The following EBF4 variants were observed in gnomAD, a reference collection of about 807,000 sequenced individuals.
EBF4 encodes transcription factor COE4.
A neutral mutation model predicts 67.1 loss-of-function variants in EBF4; 34 were observed. That is an observed-to-expected ratio of 0.51 (90% CI 0.39 to 0.67). The LOEUF is 0.67. EBF4 is among the 30% of genes least tolerant of loss of function. EBF4 has a pLI of 0.00. For synonymous variants in EBF4, 387 were observed against 377.7 expected (o/e 1.02, Z -0.29); for missense variants, 837 against 873.3 (o/e 0.96, Z 0.52).
chr20:2,717,282 G>C (rs2087622486), intron 6 of EBF4, among the ~76,000 whole-genome samples: 1 of 152,086 alleles, frequency 6.6e-6, no homozygotes, highest in Non-Finnish European at 1.5e-5. Context: ...AGGAATACAA[G>C]AGTAAACAAA....
chr20:2,744,084 A>T (rs6138881), intron 6 of EBF4, among the ~76,000 whole-genome samples: 265 of 115,026 alleles, frequency 2.3e-3, no homozygotes, highest in African/African-American at 2.9e-3. Flanking sequence ...TATTTTTTTT[A>T]TTTTTTTTTT....
intron 6 of EBF4, among the ~76,000 whole-genome samples, chr20:2,726,679 T>G (rs2087750981): frequency 6.6e-6 from 1 of 152,334 alleles, no homozygotes; most frequent in Non-Finnish European, 1.5e-5. Context: ...ACTCTTATAT[T>G]TTAGAATTTT....
At chr20:2,709,730 G>C (rs1210352539) in intron 6 of EBF4, 88 bp downstream of exon 6, 12 of 1,336,666 alleles carry the variant, frequency 9.0e-6, no homozygotes, top group Non-Finnish European at 9.9e-6. Context: ...AGGCTCAAGG[G>C]AGGAGCGGAG....
At chr20:2,726,539 C>T (rs2087748575) in intron 6 of EBF4, among the ~76,000 whole-genome samples, 1 of 151,364 alleles carries the variant, frequency 6.6e-6, no homozygotes, top group African/African-American at 2.4e-5. Context: ...TATGATTGTA[C>T]CACTACACTC....
In EBF4 at chr20:2,751,746, A is replaced by T; in HGVS notation, c.1065A>T (p.Lys355Asn). The change falls in exon 11 of 17, where the codon AAA (lysine) becomes AAT (asparagine). Residue 355 changes from lysine (K) to asparagine (N), a missense_variant. Lys to Asn is a moderately conservative substitution (Grantham distance 94, BLOSUM62 0). Transcript: ENST00000609451. The surrounding 1 kb of genome is among the most constrained non-coding windows in gnomAD (Gnocchi z 5.2). The stretch of plus-strand genomic sequence containing the variant: ...ACTACGGATTCCAGAGGCTACAGAA[A>T]GTCATTCCCAGACACCCCGGAGACC... 6.5e-7 allele frequency: 1 copy of T among 1,538,532 alleles called. No individual in the cohort carries two copies. Among genetic ancestry groups the T allele is most frequent in the Non-Finnish European group, 8.8e-7 (1 of 1,139,750 alleles).
chr20:2,693,700 C>A lies in EBF4; in HGVS notation c.55C>A (p.Pro19Thr), dbSNP rs887791076. 2.4e-5 allele frequency: 34 copies of A among 1,424,738 alleles called. No homozygotes were observed. In the African/African-American group the frequency reaches 5.1e-4, roughly 21 times the overall value. The allele number at this position is 1,424,738 out of a possible 1,614,324, so 88.3% of individuals were successfully genotyped here. A position where few individuals can be genotyped will look rare whatever the true frequency, so the allele number is the denominator to read the frequency against. ...CAGCGGGCTGAACCTGAAGGAGGAG[C>A]CGCTGCTGCCCGCCGGCCTGGGCTC... Residue 19 changes from proline (P) to threonine (T), a missense_variant, in exon 1 of 17, where the codon CCG (proline) becomes ACG (threonine). This residue lies in a region of EBF4 where 86 missense variants were observed against 70.3 expected (regional missense o/e 1.22). Transcript: ENST00000609451. This position sits in a 1 kb window ranked among gnomAD's most constrained non-coding sequence, Gnocchi z 4.6.
chr20:2,743,261 C>T (rs1373896168), intron 6 of EBF4, among the ~76,000 whole-genome samples: 2 of 152,234 alleles, frequency 1.3e-5, no homozygotes, highest in African/African-American at 4.8e-5. Flanking sequence ...GTGTGTCTGT[C>T]TCCCCCTGGT....
chr20:2,757,909 T>C (rs1348560865), intron 15 of EBF4, among the ~76,000 whole-genome samples: 1 of 152,246 alleles, frequency 6.6e-6, no homozygotes, highest in African/African-American at 2.4e-5. Context: ...ATTGCACCAT[T>C]GCACTCCAGT....
chr20:2,702,065 G>A (rs181372133), intron 1 of EBF4, among the ~76,000 whole-genome samples: 21 of 152,336 alleles, frequency 1.4e-4, no homozygotes, highest in Non-Finnish European at 1.8e-4. Context: ...GGGGGTGGAG[G>A]GAGCAGGGAA....
intron 6 of EBF4, among the ~76,000 whole-genome samples, chr20:2,737,174 C>T (rs868406883): frequency 1.1e-4 from 16 of 148,180 alleles, no homozygotes; most frequent in South Asian, 2.1e-4. Context: ...GGCGTGAACC[C>T]GGGAGGCGGA....
At chr20:2,697,440 G>A (rs1192508646) in intron 1 of EBF4, among the ~76,000 whole-genome samples, 13 of 152,102 alleles carry the variant, frequency 8.5e-5, no homozygotes, top group African/African-American at 2.9e-4. Flanking sequence ...AGCTACTCAG[G>A]AGGCTGAGGC....
chr20:2,734,237 G>T (rs2087850275), intron 6 of EBF4, among the ~76,000 whole-genome samples: 1 of 152,016 alleles, frequency 6.6e-6, no homozygotes, highest in Non-Finnish European at 1.5e-5. Flanking sequence ...GTGAAACCCT[G>T]TCTCTACAAA....
chr20:2,759,384 G>A (rs2088292147), exon 17 of EBF4: 1 of 256,740 alleles, frequency 3.9e-6, no homozygotes, highest in African/African-American at 2.2e-5. Flanking sequence ...CTCAACCCGT[G>A]AGCTGAACGG....
rs1309350771 is a variant in EBF4, at chr20:2,751,751, T to C, written c.1070T>C (p.Ile357Thr). The C allele has an allele frequency of 1.3e-6, 2 of 1,549,276 alleles. No homozygotes were observed. Among genetic ancestry groups the C allele is most frequent in the Non-Finnish European group, 1.7e-6 (2 of 1,146,168 alleles). ...GGATTCCAGAGGCTACAGAAAGTCATTCCCAGACACCCCGGAGACCCCGAG... is the reference window on the plus strand; with the variant it reads ...GGATTCCAGAGGCTACAGAAAGTCACTCCCAGACACCCCGGAGACCCCGAG... Residue 357 changes from isoleucine to threonine, a missense_variant, in exon 11 of 17, where the codon ATT (isoleucine) becomes ACT (threonine). Physicochemically the swap from Ile to Thr is moderately conservative, Grantham distance 89. This residue lies in a region of EBF4 where 525 missense variants were observed against 496.5 expected (regional missense o/e 1.06). Coordinates refer to ENST00000609451, the Ensembl canonical transcript of EBF4. The surrounding 1 kb of genome is among the most constrained non-coding windows in gnomAD (Gnocchi z 5.2).
intron 6 of EBF4, among the ~76,000 whole-genome samples, chr20:2,711,938 G>A (rs1220956613): frequency 2.6e-5 from 4 of 152,192 alleles, no homozygotes; most frequent in South Asian, 2.1e-4. Flanking sequence ...GAGAGTGAGC[G>A]ATGTATTTAT....
rs1436946979 is a variant in EBF4 at position 2,749,583 on chromosome 20, C to T, written c.758-37C>T. ...GCCAGCCCCCCAGGCCCCACCTCAG[C>T]GCGGTCCCCTGACCTGGGTCCTCTC... is the stretch of plus-strand genomic sequence containing the variant. On this transcript the variant is annotated intron_variant, in intron 8 of 16. Coordinates refer to ENST00000609451, the Ensembl canonical transcript of EBF4. 6 of 1,547,772 alleles carry T rather than the reference C, an allele frequency of 3.9e-6. No individual in the cohort carries two copies. The African/African-American group carries it at 6.8e-5, about 18-fold the overall frequency.
In EBF4 at chr20:2,747,225, T is replaced by G. The variant is rs1181167710; in HGVS notation, c.558-1324T>G. 6.6e-6 allele frequency among the ~76,000 whole-genome samples: 1 copy of G among 151,468 alleles called. No homozygotes were observed. Among genetic ancestry groups the G allele is most frequent in the Non-Finnish European group, 1.5e-5 (1 of 67,902 alleles). ...AAGCCAAGGGCTGAGGCAGGGACAA[T>G]TGCTTGAACCCAGGAGGTGGAGGTT... On this transcript the variant is annotated intron_variant, in intron 6 of 16. Coordinates refer to ENST00000609451, the Ensembl canonical transcript of EBF4. The surrounding 1 kb of genome is among the most constrained non-coding windows in gnomAD (Gnocchi z 4.6).
intron 6 of EBF4, among the ~76,000 whole-genome samples, chr20:2,742,798 C>T (rs926397240): frequency 7.9e-5 from 12 of 152,186 alleles, no homozygotes; most frequent in Admixed American, 7.2e-4. Context: ...AGAACACCCC[C>T]AGGCTCATCC....
chr20:2,751,541 G>C lies in EBF4; in HGVS notation c.1019-159G>C. On this transcript the variant is annotated intron_variant, in intron 10 of 16. Coordinates refer to ENST00000609451, the Ensembl canonical transcript of EBF4. The surrounding 1 kb of genome is among the most constrained non-coding windows in gnomAD (Gnocchi z 5.2). ...ACTTCCCTGAATCTCGCTGCCGGGG[G>C]TGCCTGGAGTTTTCCGGGGGACTTG... 1 of 662,046 alleles carries C rather than the reference G, an allele frequency of 1.5e-6. No individual in the cohort carries two copies. Among genetic ancestry groups the C allele is most frequent in the Non-Finnish European group, 2.6e-6 (1 of 384,760 alleles). 41.0% of individuals were successfully genotyped at this position (662,046 alleles called of 1,614,324 possible).
Sources: gnomAD v4.1 joint callset for allele counts (sites outside exome capture counted in the v4.1 genomes callset) on GRCh38, gnomAD v4.1.1 for gene constraint, gnomAD v4.1.1 regional missense constraint, Gnocchi (gnomAD v3.1) non-coding constraint, MANE v1.5 for transcripts, NCBI Gene and HGNC (gene_info 2026-07-23, HGNC 2026-07-21) for gene names.